The following ATP2A1 variants were observed in gnomAD, a reference collection of about 807,000 sequenced individuals.
ATP2A1 encodes sarcoplasmic/endoplasmic reticulum calcium ATPase 1.
In ATP2A1, 83 loss-of-function variants were observed where a neutral mutation model predicts 109.5. That is an observed-to-expected ratio of 0.76 (90% CI 0.63 to 0.91). The LOEUF (loss-of-function observed/expected upper bound fraction) is 0.91. Among genes scored for constraint, ATP2A1 ranks in the 40% least tolerant of loss-of-function variants. The pLI, the probability that ATP2A1 is intolerant of heterozygous loss-of-function variation, is 0.00. For synonymous variants in ATP2A1, 505 were observed against 537.6 expected, an observed-to-expected ratio of 0.94 and a Z score of 0.84; for missense variants, 1,101 against 1,341.0, an observed-to-expected ratio of 0.82 and a Z score of 2.80.
intron 9 of ATP2A1, among the ~76,000 whole-genome samples, chr16:28,893,748 C>T (rs937115621): frequency 2.7e-5 from 4 of 149,160 alleles, no homozygotes; most frequent in Middle Eastern, 3.5e-3. Flanking sequence ...CTCCCAGGTT[C>T]AAGCGATTCT....
In ATP2A1 at chr16:28,903,426, G is replaced by A. The variant is rs760792965; in HGVS notation, c.2966G>A (p.Arg989Gln). ...GACGAAATCCTCAAGTTCGTTGCTC[G>A]GAACTACCTAGAGGGTAAGGAGTGC... The part of the protein sequence containing the change: ...GLDEILKFVA[R>Q]NYLEG The change falls in exon 21 of 23, where the codon CGG becomes CAG. Residue 989 changes from arginine (R) to glutamine (Q), a missense_variant. Coordinates refer to ENST00000395503, the MANE Select transcript of ATP2A1 (RefSeq NM_004320.6). This position sits in a 1 kb window ranked among gnomAD's most constrained non-coding sequence, Gnocchi z 5.6. 15 of 1,613,446 alleles carry A rather than the reference G, an allele frequency of 9.3e-6. No homozygotes were observed. Among genetic ancestry groups the A allele is most frequent in the East Asian group, 4.5e-5 (2 of 44,876 alleles).
Position 28,900,790 on chromosome 16 carries a change from C to G in ATP2A1, c.1974C>G (p.Phe658Leu). The G allele has an allele frequency of 6.2e-7, 1 of 1,614,180 alleles. No individual in the cohort carries two copies. Among genetic ancestry groups the G allele is most frequent in the Non-Finnish European group, 8.5e-7 (1 of 1,180,036 alleles). ...ATCGCGCCTACACGGGCCGAGAGTTCGACGACCTGCCCCTGGCTGAACAGC... is the reference window on the plus strand; with the variant it reads ...ATCGCGCCTACACGGGCCGAGAGTTGGACGACCTGCCCCTGGCTGAACAGC... The part of the protein sequence containing the change: ...VADRAYTGRE[F>L]DDLPLAEQRE... The change falls in exon 15 of 23, where the codon TTC becomes TTG. Residue 658 changes from phenylalanine to leucine, a missense_variant. By Grantham distance (22) the Phe-to-Leu change is conservative. Coordinates refer to ENST00000395503, the MANE Select transcript of ATP2A1 (RefSeq NM_004320.6).
At chr16:28,896,702 C>T (rs1289939753) in intron 12 of ATP2A1, among the ~76,000 whole-genome samples, 1 of 149,430 alleles carries the variant, frequency 6.7e-6, no homozygotes, top group African/African-American at 2.5e-5. Flanking sequence ...TGAGCCACTG[C>T]GCCTGGCCTT....
In ATP2A1 at chr16:28,900,728, C is replaced by T. The variant is rs201738416; in HGVS notation, c.1912C>T (p.Arg638Ter). The change falls in exon 15 of 23, where the codon CGA becomes TGA. Residue 638 changes from arginine (R) to a stop codon, truncating the protein, a stop_gained. Coordinates refer to ENST00000395503, the MANE Select transcript of ATP2A1 (RefSeq NM_004320.6). LOFTEE classifies it high-confidence loss of function. ...NKGTAIAICRRIGIFGENEEV... is the reference protein window; with the variant it reads ...NKGTAIAICR ...GGGCACAGCCATTGCCATCTGCCGGCGAATTGGCATCTTTGGGGAGAACGA... is the reference window on the plus strand; with the variant it reads ...GGGCACAGCCATTGCCATCTGCCGGTGAATTGGCATCTTTGGGGAGAACGA... 5.6e-6 allele frequency: 9 copies of T among 1,614,148 alleles called. No individual in the cohort carries two copies. The highest frequency in any genetic ancestry group is 2.2e-5 in the East Asian group (1 of 44,880).
At position 28,887,600 on chromosome 16, in the gene ATP2A1, T is replaced by C; in HGVS notation, c.806T>C (p.Val269Ala). 1 of 1,614,158 alleles carries C rather than the reference T, an allele frequency of 6.2e-7. No individual in the cohort carries two copies. Among genetic ancestry groups the C allele is most frequent in the Non-Finnish European group, 8.5e-7 (1 of 1,180,032 alleles). Residue 269 changes from valine to alanine, a missense_variant, in exon 8 of 23, where the codon GTG becomes GCG. Val to Ala is a moderately conservative substitution (Grantham distance 64). Coordinates refer to ENST00000395503, the MANE Select transcript of ATP2A1 (RefSeq NM_004320.6). Reference protein sequence around the residue: ...QLSKVISLICVAVWLINIGHF... With the variant: ...QLSKVISLICAAVWLINIGHF... ...TCCAAGGTCATCTCCCTCATCTGTG[T>C]GGCTGTCTGGCTTATCAACATTGGC...
chr16:28,879,503 A>G lies in ATP2A1; in HGVS notation c.139A>G (p.Lys47Glu), dbSNP rs2152196778. Reference protein sequence around the residue: ...GLNELPAEEGKTLWELVIEQF... With the variant: ...GLNELPAEEGETLWELVIEQF... ...CCTCCCCTTGCCTCCTCCCCCAGGGAAGACCCTGTGGGAGCTGGTGATAGA... is the reference window on the plus strand; with the variant it reads ...CCTCCCCTTGCCTCCTCCCCCAGGGGAGACCCTGTGGGAGCTGGTGATAGA... Residue 47 changes from lysine (K) to glutamate (E), a missense_variant and splice_region_variant, in exon 3 of 23, where the codon AAG (lysine) becomes GAG (glutamate). Physicochemically the swap from Lys to Glu is moderately conservative, Grantham distance 56. Coordinates refer to ENST00000395503, the MANE Select transcript of ATP2A1 (RefSeq NM_004320.6). The G allele has an allele frequency of 6.2e-7, 1 of 1,613,472 alleles. No homozygotes were observed. Among genetic ancestry groups the G allele is most frequent in the Admixed American group, 1.7e-5 (1 of 60,024 alleles).
intron 4 of ATP2A1, among the ~76,000 whole-genome samples, chr16:28,882,148 G>A (rs188817119): frequency 7.8e-6 from 1 of 128,346 alleles, no homozygotes; most frequent in East Asian, 2.3e-4. Context: ...AGAGACGGAC[G>A]GGGTTTCACC....
intron 8 of ATP2A1, 113 bp downstream of exon 8, chr16:28,887,835 C>A (rs967535561): frequency 1.4e-5 from 20 of 1,381,828 alleles, no homozygotes; most frequent in Non-Finnish European, 1.9e-5. Context: ...GAGTCTTGCT[C>A]TGTCACCCAG....
At chr16:28,879,743 CCT>C in intron 3 of ATP2A1, 160 bp downstream of exon 3, 3 of 848,340 alleles carry the variant, frequency 3.5e-6, no homozygotes, top group Middle Eastern at 3.3e-4. Context: ...TTCGCGTCCT[CCT>C]CTCTCCTCCC....
intron 8 of ATP2A1, 88 bp from the exon 9 acceptor site, chr16:28,888,699 C>T: frequency 1.3e-6 from 2 of 1,490,616 alleles, no homozygotes; most frequent in Non-Finnish European, 1.8e-6. Flanking sequence ...ACCAACGTGC[C>T]CAGCTGGGGG....
chr16:28,888,536 G>A (rs1963682630), intron 8 of ATP2A1, among the ~76,000 whole-genome samples: 2 of 152,012 alleles, frequency 1.3e-5, no homozygotes, highest in African/African-American at 4.8e-5. Flanking sequence ...AGCCTCCTGG[G>A]TAACTGGTAC....
chr16:28,879,907 G>A (rs1221399220), intron 3 of ATP2A1: 2 of 792,482 alleles, frequency 2.5e-6, no homozygotes, highest in Middle Eastern at 5.1e-4. Flanking sequence ...TGCCGGCTGC[G>A]GCGCGGGGGG....
chr16:28,895,759 A>T (rs1963904351), intron 12 of ATP2A1, among the ~76,000 whole-genome samples: 1 of 151,970 alleles, frequency 6.6e-6, no homozygotes. Flanking sequence ...AGCTACTAGG[A>T]AGGCTAAGGT....
rs1567482317 is a variant in ATP2A1, at chr16:28,887,194, T to G, written c.550T>G (p.Ser184Ala). ...CCTTGGCCCCTTCTCCACAGGCGAGTCTGTATCTGTCATCAAACACACGGA... is the reference window on the plus strand; with the variant it reads ...CCTTGGCCCCTTCTCCACAGGCGAGGCTGTATCTGTCATCAAACACACGGA... ...RVDQSILTGE[S>A]VSVIKHTEPV... Residue 184 changes from serine to alanine, a missense_variant, in exon 7 of 23, where the codon TCT becomes GCT. Coordinates refer to ENST00000395503, the MANE Select transcript of ATP2A1 (RefSeq NM_004320.6). 1 of 1,613,110 alleles carries G rather than the reference T, an allele frequency of 6.2e-7. No individual in the cohort carries two copies. The highest frequency in any genetic ancestry group is 8.5e-7 in the Non-Finnish European group (1 of 1,179,810).
At chr16:28,878,902 C>G in intron 1 of ATP2A1, 113 bp downstream of exon 1, 1 of 1,370,044 alleles carries the variant, frequency 7.3e-7, no homozygotes, top group East Asian at 2.3e-5. Flanking sequence ...AAGAGCTGGG[C>G]CGTTGTCCAA....
rs1374696002 is a variant in ATP2A1 at position 28,883,830 on chromosome 16, C to T, written c.464-745C>T. 6.6e-6 allele frequency among the ~76,000 whole-genome samples: 1 copy of T among 152,106 alleles called. No individual in the cohort carries two copies. The highest frequency in any genetic ancestry group is 1.9e-4 in the East Asian group (1 of 5,180). On this transcript the variant is annotated intron_variant, in intron 5 of 22. Transcript: ENST00000395503. The surrounding 1 kb of genome is among the most constrained non-coding windows in gnomAD (Gnocchi z 5.2). ...TCCCATCCTGTCTTGTCCATGTCCCCAGCTCACTCTCCCTGGCTCCCCGCC... is the reference window on the plus strand; with the variant it reads ...TCCCATCCTGTCTTGTCCATGTCCCTAGCTCACTCTCCCTGGCTCCCCGCC...
At chr16:28,878,944 C>CA in intron 1 of ATP2A1, 155 bp downstream of exon 1, 7 of 1,341,776 alleles carry the variant, frequency 5.2e-6, no homozygotes, top group African/African-American at 1.4e-5. Flanking sequence ...ACTGAGAAAA[C>CA]AGAGTCCCGA....
intron 12 of ATP2A1, among the ~76,000 whole-genome samples, chr16:28,897,513 A>C (rs1218503106): frequency 6.6e-6 from 1 of 152,238 alleles, no homozygotes; most frequent in Non-Finnish European, 1.5e-5. Context: ...AAATAAGTAA[A>C]TAAAAATAAA....
rs1306922183 is a variant in ATP2A1, at chr16:28,880,074, C to T, written c.219+491C>T. On this transcript the variant is annotated intron_variant, in intron 3 of 22. Transcript: ENST00000395503. The surrounding 1 kb of genome is among the most constrained non-coding windows in gnomAD (Gnocchi z 4.2). ...GGAAAGCGCGGCGGTGTGATGATGA[C>T]TCCAAGGAGCCCGGCGCCCGGTCAG... 3 of 1,000,462 alleles carry T rather than the reference C, an allele frequency of 3.0e-6. No individual in the cohort carries two copies. The highest frequency in any genetic ancestry group is 6.1e-5 in the Admixed American group (1 of 16,510). 62.0% of individuals were successfully genotyped at this position (1,000,462 alleles called of 1,614,324 possible). A position where few individuals can be genotyped will look rare whatever the true frequency, so the allele number is the denominator to read the frequency against.
Sources: allele counts gnomAD v4.1 joint callset (sites outside exome capture counted in the v4.1 genomes callset), GRCh38; gene constraint gnomAD v4.1.1; non-coding constraint Gnocchi (gnomAD v3.1); transcripts MANE v1.5; gene names NCBI Gene and HGNC (gene_info 2026-07-23, HGNC 2026-07-21).